TMTC1: variants seen among roughly 807,000 people sequenced by gnomAD.
TMTC1 encodes the protein transmembrane O-mannosyltransferase targeting cadherins 1, also known as protein O-mannosyl-transferase TMTC1.
TMTC1 carries 73 observed loss-of-function variants against 104.8 expected under a neutral mutation model. The observed-to-expected ratio is 0.70, with a 90% CI of 0.58 to 0.85. The LOEUF is 0.85. Among genes scored for constraint, TMTC1 ranks in the 40% least tolerant of loss-of-function variants. TMTC1 has a pLI of 0.00. For missense variants in TMTC1, 1,035 were observed against 1,096.1 expected (o/e 0.94, Z 0.79); for synonymous variants, 434 against 428.7 (o/e 1.01, Z -0.15).
chr12:29,569,858 A>C (rs1439278227), intron 9 of TMTC1, among the ~76,000 whole-genome samples: 2 of 152,218 alleles, frequency 1.3e-5, no homozygotes, highest in African/African-American at 4.8e-5. Context: ...CCATGTCTCA[A>C]GGGACATATT....
At chr12:29,776,433 A>G (rs2120619277) in intron 1 of TMTC1, among the ~76,000 whole-genome samples, 1 of 152,338 alleles carries the variant, frequency 6.6e-6, no homozygotes, top group African/African-American at 2.4e-5. Flanking sequence ...GAAAGAACAA[A>G]GGTAAATTAG....
intron 5 of TMTC1, among the ~76,000 whole-genome samples, chr12:29,708,789 A>G (rs548787813): frequency 6.6e-6 from 1 of 152,296 alleles, no homozygotes; most frequent in East Asian, 1.9e-4. Context: ...GTTTTTATAT[A>G]ATAGGAGATA....
chr12:29,633,944 TG>T (rs1375750768), intron 5 of TMTC1, among the ~76,000 whole-genome samples: 1 of 152,170 alleles, frequency 6.6e-6, no homozygotes, highest in Non-Finnish European at 1.5e-5. Context: ...CCCCTCACTT[TG>T]GGGGTAGAGA....
chr12:29,515,377 C>G (rs1434234929), intron 15 of TMTC1, among the ~76,000 whole-genome samples: 2 of 152,176 alleles, frequency 1.3e-5, no homozygotes, highest in Non-Finnish European at 2.9e-5. Flanking sequence ...GAACAAAACC[C>G]TTGGCCTGGC....
intron 5 of TMTC1, among the ~76,000 whole-genome samples, chr12:29,656,491 A>G (rs1477381707): frequency 6.6e-6 from 1 of 151,414 alleles, no homozygotes; most frequent in Non-Finnish European, 1.5e-5. Flanking sequence ...AGTAGCTGGG[A>G]TTACAGGCGC....
At chr12:29,670,127 G>A (rs917832118) in intron 5 of TMTC1, among the ~76,000 whole-genome samples, 7 of 152,210 alleles carry the variant, frequency 4.6e-5, no homozygotes, top group African/African-American at 1.4e-4. Context: ...ACAAGTAGAC[G>A]TTTGCACTAA....
intron 5 of TMTC1, chr12:29,641,129 C>T (rs1158984112): frequency 6.6e-6 from 1 of 152,206 alleles, no homozygotes; most frequent in Non-Finnish European, 1.5e-5. Flanking sequence ...CCCAGCCCTA[C>T]CCCCACCTGA....
chr12:29,636,903 A>C (rs1938578979), intron 5 of TMTC1, among the ~76,000 whole-genome samples: 1 of 151,798 alleles, frequency 6.6e-6, no homozygotes, highest in Non-Finnish European at 1.5e-5. Flanking sequence ...AAAAAAAAAA[A>C]AACTTAGCTG....
Position 29,767,992 on chromosome 12 carries a change from A to G in TMTC1, c.386T>C (p.Leu129Pro). The G allele has an allele frequency of 6.2e-7, 1 of 1,613,940 alleles. No homozygotes were observed. Among genetic ancestry groups the G allele is most frequent in the Non-Finnish European group, 8.5e-7 (1 of 1,179,884 alleles). Residue 129 changes from leucine to proline, a missense_variant, in exon 2 of 18, where the codon CTG becomes CCG. Coordinates refer to ENST00000539277, the MANE Select transcript of TMTC1 (RefSeq NM_001193451.2). ...IILHCLVTLV[L>P]MYTCDKTVFK... ...GACAGTTTTATCACAGGTGTACATCAGCACAAGAGTCACTAAGCAGTGTAA... is the reference window on the plus strand; with the variant it reads ...GACAGTTTTATCACAGGTGTACATCGGCACAAGAGTCACTAAGCAGTGTAA...
intron 5 of TMTC1, among the ~76,000 whole-genome samples, chr12:29,686,153 T>C (rs1941087159): frequency 6.6e-6 from 1 of 152,166 alleles, no homozygotes; most frequent in Non-Finnish European, 1.5e-5. Context: ...TGTGACATTG[T>C]TCATCAATCT....
chr12:29,722,813 T>C (rs376931452), intron 5 of TMTC1, among the ~76,000 whole-genome samples: 1 of 150,460 alleles, frequency 6.6e-6, no homozygotes, highest in Non-Finnish European at 1.5e-5. Flanking sequence ...CCCAGCTATT[T>C]GGGAGGCTGA....
intron 3 of TMTC1, among the ~76,000 whole-genome samples, chr12:29,758,002 A>G (rs1016415370): frequency 6.6e-6 from 1 of 152,170 alleles, no homozygotes. Context: ...ACAATTCAAG[A>G]TGAGATTTGG....
intron 6 of TMTC1, among the ~76,000 whole-genome samples, chr12:29,610,710 C>A (rs2136426383): frequency 6.6e-6 from 1 of 152,316 alleles, no homozygotes; most frequent in Non-Finnish European, 1.5e-5. Context: ...TAGGGACAGT[C>A]CTCTTGTGAC....
At chr12:29,516,244 T>G (rs1424342467) in intron 15 of TMTC1, 105 bp downstream of exon 15, 7 of 1,400,068 alleles carry the variant, frequency 5.0e-6, no homozygotes, top group Non-Finnish European at 6.7e-6. Flanking sequence ...ACGGATAAGA[T>G]TTAAGATTTC....
intron 1 of TMTC1, among the ~76,000 whole-genome samples, chr12:29,773,514 A>G (rs961234544): frequency 6.6e-6 from 1 of 152,064 alleles, no homozygotes; most frequent in Middle Eastern, 3.2e-3. Flanking sequence ...AAGGACCCCA[A>G]CTCCATGTCA....
chr12:29,570,023 C>T (rs1253583455), intron 9 of TMTC1, among the ~76,000 whole-genome samples: 1 of 152,148 alleles, frequency 6.6e-6, no homozygotes, highest in Non-Finnish European at 1.5e-5. Context: ...GCCTGAGGGT[C>T]TGCCTTACTT....
At chr12:29,774,672 A>G (rs773179478) in intron 1 of TMTC1, among the ~76,000 whole-genome samples, 3 of 152,152 alleles carry the variant, frequency 2.0e-5, no homozygotes, top group Non-Finnish European at 4.4e-5. Context: ...GTCTTCTTAG[A>G]TCATTCAACC....
chr12:29,592,505 C>T (rs888052680), intron 7 of TMTC1, among the ~76,000 whole-genome samples: 10 of 152,188 alleles, frequency 6.6e-5, no homozygotes, highest in African/African-American at 1.4e-4. Context: ...AGCATGTCTA[C>T]GGCACAATTG....
chr12:29,716,874 G>T (rs1164511021), intron 5 of TMTC1, among the ~76,000 whole-genome samples: 4 of 152,038 alleles, frequency 2.6e-5, no homozygotes, highest in Non-Finnish European at 5.9e-5. Context: ...ACTTAGCCGG[G>T]TGTGGTGGCG....
Sources: allele counts gnomAD v4.1 joint callset (sites outside exome capture counted in the v4.1 genomes callset), GRCh38; gene constraint gnomAD v4.1.1; transcripts MANE v1.5; gene names NCBI Gene and HGNC (gene_info 2026-07-23, HGNC 2026-07-21).